Variants in EFCAB6 observed in about 807,000 individuals in gnomAD.
EFCAB6 encodes the protein EF-hand calcium binding domain 6.
In EFCAB6, 156 loss-of-function variants were observed where a neutral mutation model predicts 169.8. The observed-to-expected ratio is 0.92, with a 90% CI of 0.81 to 1.05. The LOEUF (loss-of-function observed/expected upper bound fraction) is 1.05. Ranked by LOEUF, EFCAB6 falls within the 50% of genes least tolerant of loss-of-function variation. The pLI, the probability that EFCAB6 is intolerant of heterozygous loss-of-function variation, is 0.00. For missense variants in EFCAB6, 1,800 were observed against 1,829.1 expected (o/e 0.98, Z 0.29); for synonymous variants, 698 against 676.4 (o/e 1.03, Z -0.50).
chr22:43,781,386 C>T (rs990520648), intron 3 of EFCAB6, among the ~76,000 whole-genome samples: 4 of 152,246 alleles, frequency 2.6e-5, no homozygotes, highest in Middle Eastern at 3.4e-3. Flanking sequence ...TGCTGTGGCA[C>T]GATCATGGCT....
chr22:43,567,459 T>C (rs1395686999), intron 26 of EFCAB6, among the ~76,000 whole-genome samples: 1 of 152,120 alleles, frequency 6.6e-6, no homozygotes, highest in Admixed American at 6.5e-5. Context: ...CGAAATAGGA[T>C]AGAATACAAA....
intron 19 of EFCAB6, among the ~76,000 whole-genome samples, chr22:43,627,830 G>A (rs1464976936): frequency 6.6e-6 from 1 of 152,224 alleles, no homozygotes; most frequent in Non-Finnish European, 1.5e-5. Flanking sequence ...ATGCAAGTGT[G>A]TGGGGATTTT....
At chr22:43,739,566 A>G (rs2060292127) in intron 6 of EFCAB6, among the ~76,000 whole-genome samples, 1 of 151,988 alleles carries the variant, frequency 6.6e-6, no homozygotes, top group Non-Finnish European at 1.5e-5. Context: ...CCAGCTTAGA[A>G]TATCCAGCTG....
intron 10 of EFCAB6, among the ~76,000 whole-genome samples, chr22:43,700,924 A>G (rs1184764654): frequency 2.0e-5 from 3 of 152,200 alleles, no homozygotes; most frequent in African/African-American, 7.2e-5. Flanking sequence ...GCTACTATAA[A>G]TATTTGTGCA....
At chr22:43,681,045 T>C (rs2057987149) in intron 12 of EFCAB6, among the ~76,000 whole-genome samples, 1 of 152,224 alleles carries the variant, frequency 6.6e-6, no homozygotes, top group Non-Finnish European at 1.5e-5. Flanking sequence ...TCCCTGATCT[T>C]AGGAGGAAGG....
intron 26 of EFCAB6, among the ~76,000 whole-genome samples, chr22:43,574,864 A>G (rs1334696006): frequency 1.3e-5 from 2 of 152,218 alleles, no homozygotes; most frequent in South Asian, 2.1e-4. Context: ...AATGTTTAAC[A>G]ATACCAAGGG....
intron 30 of EFCAB6, among the ~76,000 whole-genome samples, chr22:43,532,681 A>G (rs1403469066): frequency 2.0e-5 from 3 of 152,228 alleles, no homozygotes; most frequent in African/African-American, 7.2e-5. Flanking sequence ...ATTTTGCACA[A>G]AATTGCAAAA....
intron 10 of EFCAB6, among the ~76,000 whole-genome samples, chr22:43,702,726 CCAAT>C: frequency 6.6e-6 from 1 of 152,168 alleles, no homozygotes; most frequent in African/African-American, 2.4e-5. Context: ...ACAGTGGTGC[CCAAT>C]CAGAGGTACC....
In EFCAB6 at chr22:43,608,569, C is replaced by T. The variant is rs146942485; in HGVS notation, c.2594G>A (p.Gly865Asp). 87 of 1,614,046 alleles carry T rather than the reference C, an allele frequency of 5.4e-5. No individual in the cohort carries two copies. The highest frequency in any genetic ancestry group is 6.8e-5 in the Non-Finnish European group (80 of 1,180,022). The change falls in exon 22 of 32, where the codon GGC becomes GAC. Residue 865 changes from glycine (G) to aspartate (D), a missense_variant. By Grantham distance (94) the Gly-to-Asp change is moderately conservative (BLOSUM62 -1). Coordinates refer to ENST00000262726, the MANE Select transcript of EFCAB6 (RefSeq NM_022785.4). ...NFLETDNEGN[G>D]ILRRRDIKNA... is the part of the protein sequence containing the mutation. ...CTTTATGTCCCGGCGTCGAAGAATG[C>T]CATTGCCCTCATTATCGGTTTCTAG...
At chr22:43,788,619 T>C (rs1340956032) in intron 2 of EFCAB6, among the ~76,000 whole-genome samples, 2 of 152,220 alleles carry the variant, frequency 1.3e-5, no homozygotes, top group Non-Finnish European at 2.9e-5. Flanking sequence ...GGAATTCTCA[T>C]ATTACTGGTG....
chr22:43,670,628 C>T (rs971624039), intron 15 of EFCAB6, among the ~76,000 whole-genome samples: 1 of 152,224 alleles, frequency 6.6e-6, no homozygotes, highest in Non-Finnish European at 1.5e-5. Context: ...TAAGTGCTCA[C>T]TAGTATTATA....
chr22:43,766,771 C>A (rs909263147), intron 4 of EFCAB6, among the ~76,000 whole-genome samples: 1 of 152,200 alleles, frequency 6.6e-6, no homozygotes, highest in Non-Finnish European at 1.5e-5. Context: ...CACCTGGCCT[C>A]CCAAAGTTCT....
intron 11 of EFCAB6, among the ~76,000 whole-genome samples, chr22:43,686,842 A>G (rs2058215146): frequency 6.6e-6 from 1 of 152,226 alleles, no homozygotes; most frequent in Non-Finnish European, 1.5e-5. Context: ...CAGGATACGC[A>G]TCAACATAAA....
chr22:43,568,777 T>TA (rs2049621814), intron 26 of EFCAB6, among the ~76,000 whole-genome samples: 1 of 152,138 alleles, frequency 6.6e-6, no homozygotes, highest in Non-Finnish European at 1.5e-5. Context: ...CTTGGGGACA[T>TA]GGGACTCCCA....
At position 43,653,465 on chromosome 22, in the gene EFCAB6, A is replaced by G. The variant is rs575402513; in HGVS notation, c.1983+13639T>C. On this transcript the variant is annotated intron_variant, in intron 17 of 31. Transcript: ENST00000262726. Reference sequence around the variant, plus strand: ...ACCTAGAATGTTTTTCCCAGCTAAAATATTTTTTAAAATAAGGGTGGACTT... The same window carrying G: ...ACCTAGAATGTTTTTCCCAGCTAAAGTATTTTTTAAAATAAGGGTGGACTT... Among the ~76,000 whole-genome samples, 8 of 152,334 alleles carry G rather than the reference A, an allele frequency of 5.3e-5. No individual in the cohort carries two copies. The South Asian group carries it at 1.7e-3, about 32-fold the overall frequency.
At chr22:43,649,592 T>C (rs2056360365) in intron 17 of EFCAB6, among the ~76,000 whole-genome samples, 2 of 151,844 alleles carry the variant, frequency 1.3e-5, no homozygotes, top group Non-Finnish European at 2.9e-5. Context: ...AAAGAAAGAT[T>C]GTTTAAAGAG....
chr22:43,701,727 TA>T lies in EFCAB6; in HGVS notation c.1031+9747del, dbSNP rs60568189. Among the ~76,000 whole-genome samples, 879 of 97,318 alleles carry T rather than the reference TA, an allele frequency of 9.0e-3. 2 individuals are homozygous for T. The highest frequency in any genetic ancestry group is 0.025 in the African/African-American group (599 of 23,722). 63.8% of individuals were successfully genotyped at this position (97,318 alleles called of 152,430 possible). A position where few individuals can be genotyped will look rare whatever the true frequency, so the allele number is the denominator to read the frequency against. ...GGATAAAGAGTTTTGTTTTAAACAA[TA>T]AAAAAAAAAAAAAAGCAGAGTCACA... On this transcript the variant is annotated intron_variant, in intron 10 of 31. Coordinates refer to ENST00000262726, the MANE Select transcript of EFCAB6 (RefSeq NM_022785.4).
At chr22:43,677,185 T>C (rs961850295) in intron 13 of EFCAB6, among the ~76,000 whole-genome samples, 1 of 152,176 alleles carries the variant, frequency 6.6e-6, no homozygotes, top group African/African-American at 2.4e-5. Context: ...GAAACATTTC[T>C]AATAATAAAA....
chr22:43,689,307 G>C (rs1215602877), intron 10 of EFCAB6, among the ~76,000 whole-genome samples: 1 of 151,038 alleles, frequency 6.6e-6, no homozygotes, highest in Admixed American at 6.6e-5. Flanking sequence ...GATCAGACGT[G>C]AGCCACGCGA....
Sources: gnomAD v4.1 joint callset for allele counts (sites outside exome capture counted in the v4.1 genomes callset) on GRCh38, gnomAD v4.1.1 for gene constraint, MANE v1.5 for transcripts, NCBI Gene and HGNC (gene_info 2026-07-23, HGNC 2026-07-21) for gene names.